The following ANO4 variants were observed in gnomAD, a reference collection of about 807,000 sequenced individuals.
The protein encoded by ANO4 is anoctamin-4.
ANO4 carries 69 observed loss-of-function variants against 141.9 expected under a neutral mutation model. The ratio of observed to expected loss-of-function variants is 0.49; its 90% CI spans 0.40 to 0.59. ANO4 has a LOEUF of 0.59. Ranked by LOEUF, ANO4 falls within the 20% of genes least tolerant of loss-of-function variation. The pLI is 0.00. For missense variants in ANO4, 894 were observed against 1,162.2 expected (o/e 0.77, Z 3.36); for synonymous variants, 350 against 394.3 (o/e 0.89, Z 1.33).
intron 3 of ANO4, among the ~76,000 whole-genome samples, chr12:100,930,599 A>C (rs1175441482): frequency 6.6e-6 from 1 of 151,982 alleles, no homozygotes. Flanking sequence ...ATTTTTTTTA[A>C]ATCTCATGAC....
At chr12:100,919,732 GTATGTATCTATC>G (rs1242849635) in intron 2 of ANO4, among the ~76,000 whole-genome samples, 121 of 112,070 alleles carry the variant, frequency 1.1e-3, no homozygotes, top group Non-Finnish European at 1.2e-3. Flanking sequence ...ATGTGTGTAT[GTATGTATCTATC>G]TATCTATCTA....
intron 8 of ANO4, among the ~76,000 whole-genome samples, chr12:100,997,065 G>A (rs1023888544): frequency 6.6e-6 from 1 of 152,132 alleles, no homozygotes. Flanking sequence ...GCTGGGTGTG[G>A]TGGCTCACGC....
At chr12:101,029,014 G>T (rs926911097) in intron 9 of ANO4, among the ~76,000 whole-genome samples, 3 of 152,174 alleles carry the variant, frequency 2.0e-5, no homozygotes, top group Non-Finnish European at 4.4e-5. Flanking sequence ...AGAAGAGATT[G>T]GGGGCCAGTA....
At chr12:101,043,303 A>AT (rs1226478074) in intron 12 of ANO4, among the ~76,000 whole-genome samples, 2 of 152,200 alleles carry the variant, frequency 1.3e-5, no homozygotes, top group Non-Finnish European at 2.9e-5. Flanking sequence ...GGCTTCATGT[A>AT]TTTTCCTGAG....
At chr12:100,786,233 C>T (rs926386229) in intron 3 of ANO4, among the ~76,000 whole-genome samples, 6 of 152,170 alleles carry the variant, frequency 3.9e-5, no homozygotes, top group African/African-American at 9.7e-5. Flanking sequence ...GAATTTAACC[C>T]GACCAAGGGG....
chr12:100,855,960 G>C (rs2135869147), intron 1 of ANO4, among the ~76,000 whole-genome samples: 1 of 152,238 alleles, frequency 6.6e-6, no homozygotes, highest in South Asian at 2.1e-4. Context: ...AATCAAAGAA[G>C]GAATTTTATA....
chr12:100,860,755 A>T (rs1257113001), intron 1 of ANO4, among the ~76,000 whole-genome samples: 1 of 152,212 alleles, frequency 6.6e-6, no homozygotes, highest in Non-Finnish European at 1.5e-5. Flanking sequence ...GAAGAGACAG[A>T]TGATAAATAA....
At chr12:100,861,241 T>C (rs941722231) in intron 1 of ANO4, among the ~76,000 whole-genome samples, 3 of 152,152 alleles carry the variant, frequency 2.0e-5, no homozygotes, top group African/African-American at 7.2e-5. Flanking sequence ...AGGAAAGTTC[T>C]CCAAGTCCCC....
intron 17 of ANO4, among the ~76,000 whole-genome samples, chr12:101,091,118 G>T (rs886931768): frequency 6.6e-6 from 1 of 152,176 alleles, no homozygotes; most frequent in East Asian, 1.9e-4. Flanking sequence ...GGATGCCCTT[G>T]TGGTTTTTCA....
intron 1 of ANO4, among the ~76,000 whole-genome samples, chr12:100,872,752 A>G (rs748218280): frequency 6.6e-6 from 1 of 152,238 alleles, no homozygotes; most frequent in Admixed American, 6.5e-5. Context: ...AACTTCTACA[A>G]GTCATTGAAA....
At chr12:100,928,565 C>T (rs953106999) in intron 3 of ANO4, among the ~76,000 whole-genome samples, 11 of 152,270 alleles carry the variant, frequency 7.2e-5, no homozygotes, top group African/African-American at 2.6e-4. Context: ...GAATCCAGAG[C>T]TCATGCTCTT....
intron 1 of ANO4, among the ~76,000 whole-genome samples, chr12:100,881,441 AAAG>A (rs1398617994): frequency 6.6e-6 from 1 of 151,920 alleles, no homozygotes; most frequent in Non-Finnish European, 1.5e-5. Flanking sequence ...AAAAAAAAAA[AAAG>A]AATATGCTCC....
intron 8 of ANO4, among the ~76,000 whole-genome samples, chr12:101,018,840 C>G (rs2046408576): frequency 6.6e-6 from 1 of 152,164 alleles, no homozygotes. Context: ...CCTTGATGCT[C>G]TTGCTTCCCC....
chr12:100,844,484 G>T (rs764524830), intron 1 of ANO4, among the ~76,000 whole-genome samples: 1 of 152,122 alleles, frequency 6.6e-6, no homozygotes, highest in Non-Finnish European at 1.5e-5. Flanking sequence ...GAGAAAAAGG[G>T]TGGTGGATTG....
At chr12:101,108,388 C>T (rs776929507) in intron 22 of ANO4, among the ~76,000 whole-genome samples, 5 of 152,072 alleles carry the variant, frequency 3.3e-5, no homozygotes, top group Admixed American at 1.3e-4. Flanking sequence ...GGAGCTACAA[C>T]GCTGGGATTA....
At chr12:101,042,265 T>C in intron 11 of ANO4, 69 bp from the exon 12 acceptor site, 4 of 1,586,876 alleles carry the variant, frequency 2.5e-6, no homozygotes, top group Non-Finnish European at 3.4e-6. Flanking sequence ...AAAATGACTA[T>C]ACGAAGTTTC....
chr12:101,121,753 CTTTTTTTT>C (rs71091478), intron 26 of ANO4, among the ~76,000 whole-genome samples: 5 of 110,452 alleles, frequency 4.5e-5, no homozygotes, highest in African/African-American at 8.1e-5. Flanking sequence ...AATTTGTTTA[CTTTTTTTT>C]TTTTTTTTTT....
intron 14 of ANO4, among the ~76,000 whole-genome samples, chr12:101,050,751 G>T (rs550762921): frequency 6.6e-6 from 1 of 152,200 alleles, no homozygotes; most frequent in South Asian, 2.1e-4. Context: ...TATTTACACA[G>T]CAGCTGCTGT....
chr12:100,738,834 A>G (rs2135464071), intron 2 of ANO4, among the ~76,000 whole-genome samples: 1 of 151,888 alleles, frequency 6.6e-6, no homozygotes, highest in African/African-American at 2.4e-5. Flanking sequence ...ATCTACTGTT[A>G]GCAAATTTCC....
Sources: gnomAD v4.1 joint callset for allele counts (sites outside exome capture counted in the v4.1 genomes callset) on GRCh38, gnomAD v4.1.1 for gene constraint, MANE v1.5 for transcripts, NCBI Gene and HGNC (gene_info 2026-07-23, HGNC 2026-07-21) for gene names.